Variants in WDFY2 observed in about 807,000 individuals in gnomAD.
WDFY2 encodes the protein WD repeat and FYVE domain containing 2.
Under a neutral mutation model 56.4 loss-of-function variants are expected in WDFY2, and 36 were observed. The ratio of observed to expected loss-of-function variants is 0.64; its 90% confidence interval spans 0.49 to 0.84. WDFY2 has a LOEUF of 0.84. Ranked by LOEUF, WDFY2 falls within the 40% of genes least tolerant of loss-of-function variation. WDFY2 has a pLI of 0.00. For missense variants in WDFY2, 444 were observed against 512.2 expected (o/e 0.87, Z 1.29); for synonymous variants, 176 against 183.7 (o/e 0.96, Z 0.34).
intron 1 of WDFY2, among the ~76,000 whole-genome samples, chr13:51,643,578 G>A (rs1220094197): frequency 6.6e-6 from 1 of 152,110 alleles, no homozygotes; most frequent in Non-Finnish European, 1.5e-5. Flanking sequence ...TTGTTGAATT[G>A]CTTAGGCTGC....
chr13:51,699,072 A>T lies in WDFY2; in HGVS notation c.280-4524A>T, dbSNP rs1357632786. On this transcript the variant is annotated intron_variant, in intron 3 of 11. Transcript: ENST00000298125. ...CTGGGCTCTCTTGGCACCTTGTTCC[A>T]CCCTGAGGCCAAAGCCCAGAGGATC... Among the ~76,000 whole-genome samples the T allele has an allele frequency of 2.0e-5, 3 of 152,170 alleles. No homozygotes were observed. In the East Asian group the frequency reaches 5.8e-4, roughly 29 times the overall value.
At chr13:51,741,163 C>T (rs910587564) in intron 7 of WDFY2, among the ~76,000 whole-genome samples, 2 of 152,208 alleles carry the variant, frequency 1.3e-5, no homozygotes, top group Admixed American at 1.3e-4. Context: ...GGAATAGACC[C>T]TGCTTGGAGT....
rs1406953957 is a variant in WDFY2 at position 51,718,585 on chromosome 13, C to CACAA, written c.335-610_335-609insAACA. 2.0e-5 allele frequency among the ~76,000 whole-genome samples: 3 copies of CACAA among 151,796 alleles called. No individual in the cohort carries two copies. In the East Asian group the frequency reaches 5.8e-4, roughly 29 times the overall value. On this transcript the variant is annotated intron_variant, in intron 4 of 11. Coordinates refer to ENST00000298125, the MANE Select transcript of WDFY2 (RefSeq NM_052950.4). ...ACACACACACACACACACACACACA[C>CACAA]ACACACACACACACACACTGTAACA...
intron 1 of WDFY2, among the ~76,000 whole-genome samples, chr13:51,640,405 C>G (rs1234066847): frequency 6.6e-6 from 1 of 152,200 alleles, no homozygotes; most frequent in Non-Finnish European, 1.5e-5. Context: ...TTTCATGCAT[C>G]TACTCCTTCC....
intron 2 of WDFY2, among the ~76,000 whole-genome samples, chr13:51,663,017 C>A (rs548444597): frequency 5.9e-5 from 9 of 152,148 alleles, no homozygotes; most frequent in Admixed American, 3.9e-4. Flanking sequence ...CCTAGATAGG[C>A]TGGGCGGGTT....
rs1159290626 is a variant in WDFY2, at chr13:51,763,191, C to G, written c.*3422C>G. The G allele has an allele frequency of 6.6e-6, 1 of 152,130 alleles. No homozygotes were observed. Among genetic ancestry groups the G allele is most frequent in the East Asian group, 1.9e-4 (1 of 5,190 alleles). 9.4% of individuals were successfully genotyped at this position (152,130 alleles called of 1,614,324 possible). On this transcript the variant is annotated 3_prime_UTR_variant, in exon 12 of 12. Transcript: ENST00000298125. The stretch of plus-strand genomic sequence containing the variant: ...AAGGAATAGCTGTTTTTGAACATTA[C>G]TTAGTAATGGCATGAGTGGGAGGAG...
intron 4 of WDFY2, among the ~76,000 whole-genome samples, chr13:51,713,610 C>T (rs1338067695): frequency 2.6e-5 from 4 of 152,132 alleles, no homozygotes; most frequent in South Asian, 2.1e-4. Context: ...TAGTGGCTCA[C>T]GCCTGTAATC....
intron 2 of WDFY2, among the ~76,000 whole-genome samples, chr13:51,672,962 G>A (rs1955830235): frequency 6.6e-6 from 1 of 152,112 alleles, no homozygotes; most frequent in African/African-American, 2.4e-5. Context: ...ATATGGTGGT[G>A]TTTCTTACTA....
chr13:51,720,548 T>C (rs1010335011), intron 5 of WDFY2, among the ~76,000 whole-genome samples: 2 of 152,240 alleles, frequency 1.3e-5, no homozygotes, highest in Non-Finnish European at 2.9e-5. Flanking sequence ...AATACATAAA[T>C]GACTTCTTAT....
In WDFY2 at chr13:51,696,700, A is replaced by G. The variant is rs531083269; in HGVS notation, c.280-6896A>G. Among the ~76,000 whole-genome samples, 100 of 152,342 alleles carry G rather than the reference A, an allele frequency of 6.6e-4. 1 individual carries two copies. In the South Asian group the frequency reaches 0.02, roughly 31 times the overall value. The stretch of plus-strand genomic sequence containing the variant: ...ATTAATTCCAGGAGCATGAAGCATC[A>G]TTACATGTAAGTAAAGCCTTAAAAA... On this transcript the variant is annotated intron_variant, in intron 3 of 11. Coordinates refer to ENST00000298125, the MANE Select transcript of WDFY2 (RefSeq NM_052950.4).
chr13:51,715,349 G>A (rs772255629), intron 4 of WDFY2, among the ~76,000 whole-genome samples: 1 of 151,806 alleles, frequency 6.6e-6, no homozygotes, highest in Non-Finnish European at 1.5e-5. Flanking sequence ...AGGTTTTTTG[G>A]TTTTTTAAAT....
intron 3 of WDFY2, among the ~76,000 whole-genome samples, chr13:51,691,084 T>A (rs1381730478): frequency 6.6e-6 from 1 of 152,210 alleles, no homozygotes; most frequent in Non-Finnish European, 1.5e-5. Flanking sequence ...TCATTGTAGA[T>A]TCTGGATATT....
chr13:51,668,305 G>T (rs1332287695), intron 2 of WDFY2, among the ~76,000 whole-genome samples: 1 of 152,092 alleles, frequency 6.6e-6, no homozygotes, highest in Non-Finnish European at 1.5e-5. Flanking sequence ...ATCTGACGGG[G>T]CATTTTAAAA....
At chr13:51,691,531 G>T (rs1404567766) in intron 3 of WDFY2, among the ~76,000 whole-genome samples, 1 of 151,664 alleles carries the variant, frequency 6.6e-6, no homozygotes, top group Non-Finnish European at 1.5e-5. Flanking sequence ...ATTTCTGAGG[G>T]CTCTGTTCCG....
intron 1 of WDFY2, among the ~76,000 whole-genome samples, chr13:51,605,434 G>T (rs2138322520): frequency 6.6e-6 from 1 of 152,266 alleles, no homozygotes; most frequent in South Asian, 2.1e-4. Flanking sequence ...TGTAGTAAGG[G>T]GCCTGATAAG....
At chr13:51,714,651 T>A (rs1389795831) in intron 4 of WDFY2, among the ~76,000 whole-genome samples, 2 of 152,158 alleles carry the variant, frequency 1.3e-5, no homozygotes, top group Non-Finnish European at 2.9e-5. Context: ...TGAAAAACAG[T>A]TTGGTAGTTC....
chr13:51,696,006 G>A (rs553588633), intron 3 of WDFY2, among the ~76,000 whole-genome samples: 1 of 152,198 alleles, frequency 6.6e-6, no homozygotes, highest in African/African-American at 2.4e-5. Flanking sequence ...TCTCCTGGTG[G>A]GCCGTTTTTA....
chr13:51,662,098 G>A (rs763863906), intron 2 of WDFY2, among the ~76,000 whole-genome samples: 13 of 152,068 alleles, frequency 8.5e-5, no homozygotes, highest in Non-Finnish European at 1.3e-4. Context: ...AGCCTCCCGA[G>A]TAGCTGAGAC....
intron 1 of WDFY2, among the ~76,000 whole-genome samples, chr13:51,624,024 T>C (rs147506790): frequency 2.6e-5 from 4 of 152,318 alleles, no homozygotes; most frequent in South Asian, 2.1e-4. Context: ...TTGGAAGTGA[T>C]TGACCCCTAT....
Sources: gnomAD v4.1 joint callset for allele counts (sites outside exome capture counted in the v4.1 genomes callset) on GRCh38, gnomAD v4.1.1 for gene constraint, MANE v1.5 for transcripts, NCBI Gene and HGNC (gene_info 2026-07-23, HGNC 2026-07-21) for gene names.